Variants in KIZ observed in about 807,000 individuals in gnomAD.
KIZ encodes the protein kizuna centrosomal protein.
Under a neutral mutation model 79.6 loss-of-function variants are expected in KIZ, and 68 were observed. The ratio of observed to expected loss-of-function variants is 0.85; its 90% CI spans 0.70 to 1.05. The LOEUF is 1.05. Among genes scored for constraint, KIZ ranks in the 50% least tolerant of loss-of-function variants. KIZ has a pLI of 0.00. For synonymous variants in KIZ, 280 were observed against 281.8 expected, an observed-to-expected ratio of 0.99 and a Z score of 0.06; for missense variants, 797 against 800.4, an observed-to-expected ratio of 1.00 and a Z score of 0.05.
chr20:21,232,722 C>A lies in KIZ; in HGVS notation c.1784-12C>A. The A allele has an allele frequency of 6.9e-7, 1 of 1,441,062 alleles. No homozygotes were observed. Among genetic ancestry groups the A allele is most frequent in the Non-Finnish European group, 9.7e-7 (1 of 1,034,030 alleles). 89.3% of individuals were successfully genotyped at this position (1,441,062 alleles called of 1,614,324 possible). A position where few individuals can be genotyped will look rare whatever the true frequency, so the allele number is the denominator to read the frequency against. On this transcript the variant is annotated splice_polypyrimidine_tract_variant and intron_variant, in intron 10 of 12. Transcript: ENST00000619189. ...AGCTAACCCTCACTCTCCATGTTTACGCTTATCACAGGTTTGAATATTGGC... is the reference window on the plus strand; with the variant it reads ...AGCTAACCCTCACTCTCCATGTTTAAGCTTATCACAGGTTTGAATATTGGC...
intron 6 of KIZ, chr20:21,166,656 C>A: frequency 4.0e-6 from 3 of 758,312 alleles, no homozygotes; most frequent in Non-Finnish European, 6.5e-6. Flanking sequence ...CTTGGTTTCT[C>A]CATGTTGGTC....
chr20:21,142,043 A>G (rs1046036965), intron 3 of KIZ, among the ~76,000 whole-genome samples: 2 of 147,984 alleles, frequency 1.4e-5, no homozygotes, highest in Non-Finnish European at 1.5e-5. Context: ...TTCCACCCCC[A>G]TATCTTCCCA....
intron 11 of KIZ, among the ~76,000 whole-genome samples, chr20:21,240,559 A>C (rs1393884026): frequency 6.6e-6 from 1 of 152,246 alleles, no homozygotes; most frequent in Non-Finnish European, 1.5e-5. Context: ...AAAAATACCA[A>C]GTCTGCCCTC....
In KIZ at chr20:21,219,019, G is replaced by A. The variant is rs114022751; in HGVS notation, c.1678+3371G>A. Among the ~76,000 whole-genome samples, 1,236 of 152,310 alleles carry A rather than the reference G, an allele frequency of 8.1e-3. 22 individuals carry two copies. The highest frequency in any genetic ancestry group is 0.028 in the African/African-American group (1,178 of 41,564). ...TTGCTTTTCAGCCATTTCAGAAGAA[G>A]TATAAGAGAAGACGTGGCTGAGGTG... On this transcript the variant is annotated intron_variant, in intron 9 of 12. Transcript: ENST00000619189.
chr20:21,229,784 C>T (rs2036778107), intron 10 of KIZ, among the ~76,000 whole-genome samples: 2 of 152,048 alleles, frequency 1.3e-5, no homozygotes, highest in Non-Finnish European at 2.9e-5. Flanking sequence ...CCATGTTGCT[C>T]AGGCTGGTCT....
chr20:21,165,082 A>G (rs1273950592), intron 6 of KIZ, among the ~76,000 whole-genome samples: 2 of 152,214 alleles, frequency 1.3e-5, no homozygotes, highest in African/African-American at 4.8e-5. Flanking sequence ...ATAGCATAGC[A>G]TCATATTTAT....
intron 4 of KIZ, among the ~76,000 whole-genome samples, chr20:21,149,759 G>T (rs984864598): frequency 6.6e-5 from 10 of 152,192 alleles, no homozygotes; most frequent in African/African-American, 1.2e-4. Context: ...TCATCTCCAA[G>T]GAGTAAAGGG....
chr20:21,147,487 G>A (rs1198377918), intron 4 of KIZ, among the ~76,000 whole-genome samples: 1 of 152,062 alleles, frequency 6.6e-6, no homozygotes, highest in Non-Finnish European at 1.5e-5. Flanking sequence ...ATGAGTTATA[G>A]CTTATTGTTT....
At chr20:21,220,594 G>T (rs376693075) in intron 9 of KIZ, among the ~76,000 whole-genome samples, 1 of 151,862 alleles carries the variant, frequency 6.6e-6, no homozygotes, top group Admixed American at 6.6e-5. Flanking sequence ...AGCGATTCTC[G>T]TGCCACAGCC....
chr20:21,208,715 AT>A (rs2035944400), intron 7 of KIZ, among the ~76,000 whole-genome samples: 1 of 151,986 alleles, frequency 6.6e-6, no homozygotes, highest in Non-Finnish European at 1.5e-5. Flanking sequence ...AAAAAAAAAA[AT>A]GGAATAAACA....
In KIZ at chr20:21,214,689, C is replaced by A; in HGVS notation, c.1601C>A (p.Thr534Lys). 6.2e-7 allele frequency: 1 copy of A among 1,607,586 alleles called. No homozygotes were observed. Among genetic ancestry groups the A allele is most frequent in the Non-Finnish European group, 8.5e-7 (1 of 1,174,424 alleles). The change falls in exon 8 of 13, where the codon ACA (threonine) becomes AAA (lysine). Residue 534 changes from threonine to lysine, a missense_variant. By Grantham distance (78) the Thr-to-Lys change is moderately conservative. Transcript: ENST00000619189. ...KPAVWLNSVPTREQEVSSGCG... is the reference protein window; with the variant it reads ...KPAVWLNSVPKREQEVSSGCG... Reference sequence around the variant, plus strand: ...GCTGTATGGCTCAACAGTGTTCCTACAAGGGAACAAGGTAACTATTGTTAA... The same window carrying A: ...GCTGTATGGCTCAACAGTGTTCCTAAAAGGGAACAAGGTAACTATTGTTAA...
intron 11 of KIZ, among the ~76,000 whole-genome samples, chr20:21,242,126 C>T (rs1028444952): frequency 5.3e-5 from 8 of 152,176 alleles, no homozygotes; most frequent in Non-Finnish European, 5.9e-5. Flanking sequence ...GGTCACTACC[C>T]GCATGGATCT....
chr20:21,146,118 C>T (rs1207752088), intron 4 of KIZ, among the ~76,000 whole-genome samples: 1 of 152,182 alleles, frequency 6.6e-6, no homozygotes, highest in Admixed American at 6.5e-5. Context: ...TAAATAAATT[C>T]TGCTATGTAT....
intron 6 of KIZ, among the ~76,000 whole-genome samples, chr20:21,168,510 G>A (rs75329929): frequency 2.0e-5 from 3 of 152,068 alleles, no homozygotes; most frequent in African/African-American, 7.2e-5. Flanking sequence ...ATACTGCCCA[G>A]GGTAATTTAT....
At chr20:21,152,364 T>C (rs1475413293) in intron 4 of KIZ, among the ~76,000 whole-genome samples, 1 of 152,198 alleles carries the variant, frequency 6.6e-6, no homozygotes, top group Non-Finnish European at 1.5e-5. Context: ...GGAGCCTGCT[T>C]GTGGTTGAGA....
chr20:21,218,118 C>T (rs2036368954), intron 9 of KIZ: 1 of 152,192 alleles, frequency 6.6e-6, no homozygotes, highest in South Asian at 2.1e-4. Flanking sequence ...CTTGAGAACA[C>T]AATTGAGATT....
intron 11 of KIZ, among the ~76,000 whole-genome samples, chr20:21,237,977 A>G (rs1292155537): frequency 1.3e-5 from 2 of 152,160 alleles, no homozygotes; most frequent in Non-Finnish European, 2.9e-5. Flanking sequence ...CCACAGGCAC[A>G]TGCCACCATG....
intron 12 of KIZ, chr20:21,245,274 C>T (rs1256396245): frequency 6.6e-6 from 1 of 152,194 alleles, no homozygotes; most frequent in African/African-American, 2.4e-5. Context: ...GCAAGCACCC[C>T]ACTGTGAATC....
chr20:21,159,687 T>C (rs1600409978), intron 4 of KIZ, among the ~76,000 whole-genome samples: 1 of 152,242 alleles, frequency 6.6e-6, no homozygotes, highest in South Asian at 2.1e-4. Flanking sequence ...ATGTAACAGG[T>C]ATCAGTAATT....
Sources: allele counts gnomAD v4.1 joint callset (sites outside exome capture counted in the v4.1 genomes callset), GRCh38; gene constraint gnomAD v4.1.1; transcripts MANE v1.5; gene names NCBI Gene and HGNC (gene_info 2026-07-23, HGNC 2026-07-21).